The following CSMD2 variants were observed in gnomAD, a reference collection of about 807,000 sequenced individuals.
CSMD2 encodes CUB and Sushi multiple domains 2, also known as CUB and sushi domain-containing protein 2.
In CSMD2, 130 loss-of-function variants were observed where a neutral mutation model predicts 398.5. The ratio of observed to expected loss-of-function variants is 0.33; its 90% confidence interval spans 0.28 to 0.38. CSMD2 has a LOEUF of 0.38. CSMD2 is among the 10% of genes least tolerant of loss of function. CSMD2 has a pLI of 1.00. For missense variants in CSMD2, 3,829 were observed against 4,764.9 expected (o/e 0.80, Z 5.78); for synonymous variants, 1,828 against 1,908.5 (o/e 0.96, Z 1.10).
At chr1:33,652,232 C>T in intron 28 of CSMD2, 91 bp downstream of exon 28, 1 of 1,369,042 alleles carries the variant, frequency 7.3e-7, no homozygotes, top group South Asian at 1.3e-5. Flanking sequence ...AACTCTGCTA[C>T]AGACCTGTGA....
intron 6 of CSMD2, among the ~76,000 whole-genome samples, chr1:33,842,146 T>C (rs1408185083): frequency 6.6e-6 from 1 of 152,146 alleles, no homozygotes; most frequent in Non-Finnish European, 1.5e-5. Flanking sequence ...CCACTTAAGC[T>C]AGATTCATCC....
In CSMD2 at chr1:33,918,311, C is replaced by G; in HGVS notation, c.713-10G>C. The G allele has an allele frequency of 1.2e-6, 2 of 1,613,030 alleles. No homozygotes were observed. Among genetic ancestry groups the G allele is most frequent in the Admixed American group, 1.7e-5 (1 of 59,988 alleles). ...CCACAGGCATCATCAGCTGTGGGCA[C>G]AGAGAGAAGAGGCTTACATGAGTAG... On this transcript the variant is annotated splice_polypyrimidine_tract_variant and intron_variant, in intron 4 of 70. Coordinates refer to ENST00000373381, the MANE Select transcript of CSMD2 (RefSeq NM_001281956.2).
intron 5 of CSMD2, among the ~76,000 whole-genome samples, chr1:33,854,922 G>A (rs1200021851): frequency 1.3e-5 from 2 of 152,156 alleles, no homozygotes; most frequent in Non-Finnish European, 2.9e-5. Flanking sequence ...GGCATATTGC[G>A]AAGGTCTAGG....
At chr1:33,653,520 CTAT>C (rs1421885356) in intron 27 of CSMD2, among the ~76,000 whole-genome samples, 1 of 152,130 alleles carries the variant, frequency 6.6e-6, no homozygotes, top group Admixed American at 6.5e-5. Context: ...TTGTATGGAG[CTAT>C]TATTAATCCC....
rs556972401 is a variant in CSMD2 at position 33,620,074 on chromosome 1, G to T, written c.5827+2093C>A. Among the ~76,000 whole-genome samples, 7 of 152,210 alleles carry T rather than the reference G, an allele frequency of 4.6e-5. No individual in the cohort carries two copies. The South Asian group carries it at 1.2e-3, about 27-fold the overall frequency. On this transcript the variant is annotated intron_variant, in intron 37 of 70. Transcript: ENST00000373381. ...GAGGCTGAAGAGAAAAATGGAGGGG[G>T]ATATAGAAAAGTCCATTCTAACTTA...
chr1:33,565,933 A>T (rs1297378330), intron 53 of CSMD2, among the ~76,000 whole-genome samples: 1 of 152,128 alleles, frequency 6.6e-6, no homozygotes, highest in East Asian at 1.9e-4. Flanking sequence ...AAGAGGCCCA[A>T]GAAAGAATAT....
chr1:33,671,937 C>G (rs1347265593), intron 25 of CSMD2, among the ~76,000 whole-genome samples: 1 of 152,204 alleles, frequency 6.6e-6, no homozygotes, highest in Non-Finnish European at 1.5e-5. Flanking sequence ...AAATGATTCC[C>G]ACCTCCCTGC....
chr1:33,819,985 C>T lies in CSMD2; in HGVS notation c.1200-148G>A, dbSNP rs1042593875. The T allele has an allele frequency of 4.0e-6, 4 of 1,008,546 alleles. No individual in the cohort carries two copies. In the African/African-American group the frequency reaches 6.5e-5, roughly 16 times the overall value. 62.5% of individuals were successfully genotyped at this position (1,008,546 alleles called of 1,614,324 possible). A position where few individuals can be genotyped will look rare whatever the true frequency, so the allele number is the denominator to read the frequency against. ...CCACTGTTTTATCACTAAAAATCTC[C>T]ATTGGAAGGAACATCTGCTCTTCAT... On this transcript the variant is annotated intron_variant, in intron 8 of 70. Transcript: ENST00000373381.
intron 3 of CSMD2, among the ~76,000 whole-genome samples, chr1:33,966,881 G>T (rs1011938427): frequency 1.3e-5 from 2 of 152,196 alleles, no homozygotes; most frequent in African/African-American, 2.4e-5. Flanking sequence ...GTGGAAATGC[G>T]CCTAGACAAC....
At chr1:33,775,431 T>G (rs1037818304) in intron 12 of CSMD2, among the ~76,000 whole-genome samples, 2 of 152,186 alleles carry the variant, frequency 1.3e-5, no homozygotes, top group African/African-American at 4.8e-5. Context: ...CCCCATCACT[T>G]AAATTTCGTG....
At chr1:33,667,466 G>A (rs1644354478) in intron 25 of CSMD2, among the ~76,000 whole-genome samples, 1 of 152,208 alleles carries the variant, frequency 6.6e-6, no homozygotes, top group South Asian at 2.1e-4. Context: ...GGGCTGGTTA[G>A]ACAGTAAGCT....
At chr1:34,002,593 C>A (rs137939294) in intron 3 of CSMD2, among the ~76,000 whole-genome samples, 1 of 152,220 alleles carries the variant, frequency 6.6e-6, no homozygotes, top group African/African-American at 2.4e-5. Context: ...AGGGTGGCCA[C>A]AAAGTCTCGT....
chr1:34,134,006 T>C (rs958224827), intron 1 of CSMD2, among the ~76,000 whole-genome samples: 3 of 136,830 alleles, frequency 2.2e-5, no homozygotes, highest in African/African-American at 8.4e-5. Flanking sequence ...GAGGCAGAGA[T>C]TGCACCACTA....
chr1:33,624,412 C>T lies in CSMD2; in HGVS notation c.5625+107G>A. The T allele has an allele frequency of 3.5e-6, 5 of 1,435,740 alleles. No homozygotes were observed. Among genetic ancestry groups the T allele is most frequent in the Non-Finnish European group, 4.8e-6 (5 of 1,050,328 alleles). 88.9% of individuals were successfully genotyped at this position (1,435,740 alleles called of 1,614,324 possible). A position where few individuals can be genotyped will look rare whatever the true frequency, so the allele number is the denominator to read the frequency against. On this transcript the variant is annotated intron_variant, in intron 35 of 70. Coordinates refer to ENST00000373381, the MANE Select transcript of CSMD2 (RefSeq NM_001281956.2). This position sits in a 1 kb window ranked among gnomAD's most constrained non-coding sequence, Gnocchi z 4.7. Reference sequence around the variant, plus strand: ...GGCTGATATGTCTCTTCCTGGCTCACCCTGACTCAGGCCTTGGCACCAGCC... The same window carrying T: ...GGCTGATATGTCTCTTCCTGGCTCATCCTGACTCAGGCCTTGGCACCAGCC...
chr1:34,150,183 G>GCAAT (rs927464788), intron 1 of CSMD2, among the ~76,000 whole-genome samples: 2 of 150,472 alleles, frequency 1.3e-5, no homozygotes, highest in Admixed American at 6.7e-5. Context: ...CTGGGCTCAA[G>GCAAT]CAATCCTCTT....
chr1:33,868,940 C>T (rs1640243448), intron 5 of CSMD2: 1 of 151,990 alleles, frequency 6.6e-6, no homozygotes, highest in Admixed American at 6.6e-5. Context: ...GCCAGACAAG[C>T]CAAGGTGTAA....
At chr1:33,877,969 TTC>T (rs1239972445) in intron 5 of CSMD2, among the ~76,000 whole-genome samples, 3 of 152,158 alleles carry the variant, frequency 2.0e-5, no homozygotes, top group Non-Finnish European at 4.4e-5. Flanking sequence ...GCCAATCAGA[TTC>T]TCTCTCTTGA....
intron 2 of CSMD2, among the ~76,000 whole-genome samples, chr1:34,068,248 T>C (rs771285370): frequency 5.3e-5 from 8 of 152,190 alleles, no homozygotes; most frequent in African/African-American, 9.7e-5. Context: ...TCCTTCCTCA[T>C]CCTGGTCATT....
intron 13 of CSMD2, among the ~76,000 whole-genome samples, chr1:33,770,640 A>C (rs1158623528): frequency 6.6e-6 from 1 of 152,162 alleles, no homozygotes; most frequent in Non-Finnish European, 1.5e-5. Context: ...GGGCCTGGGG[A>C]TGTCATCCTG....
Sources: allele counts gnomAD v4.1 joint callset (sites outside exome capture counted in the v4.1 genomes callset), GRCh38; gene constraint gnomAD v4.1.1; non-coding constraint Gnocchi (gnomAD v3.1); transcripts MANE v1.5; gene names NCBI Gene and HGNC (gene_info 2026-07-23, HGNC 2026-07-21).